Variants in DNAJC30 observed in about 807,000 individuals in gnomAD.
DNAJC30 encodes DnaJ heat shock protein family (Hsp40) member C30.
In DNAJC30, 16 loss-of-function variants were observed where a neutral mutation model predicts 15.4. The observed-to-expected ratio is 1.04, with a 90% CI of 0.70 to 1.58. The LOEUF (loss-of-function observed/expected upper bound fraction) is 1.58, where lower values mean the gene tolerates loss of function less well. Among genes scored for constraint, DNAJC30 ranks in the 40% most tolerant of loss-of-function variants. The pLI is 0.00. For missense variants in DNAJC30, 352 were observed against 320.9 expected (o/e 1.10, Z -0.74); for synonymous variants, 161 against 140.2 (o/e 1.15, Z -1.05).
chr7:73,682,729 C>T lies in DNAJC30; in HGVS notation c.*14G>A. 2.5e-6 allele frequency: 4 copies of T among 1,592,894 alleles called. No individual in the cohort carries two copies. The highest frequency in any genetic ancestry group is 1.7e-4 in the Middle Eastern group (1 of 5,964). Reference sequence around the variant, plus strand: ...GGGTTGGCTGGGGACACTCCCCTTCCCTTCTCTCTCCGATTAAATATAAAA... The same window carrying T: ...GGGTTGGCTGGGGACACTCCCCTTCTCTTCTCTCTCCGATTAAATATAAAA... On this transcript the variant is annotated 3_prime_UTR_variant, in exon 1 of 1. Transcript: ENST00000395176.
Position 73,682,701 on chromosome 7 carries a change from G to T in DNAJC30, c.*42C>A, listed in dbSNP as rs372985556. 6.9e-5 allele frequency: 107 copies of T among 1,554,260 alleles called. No individual in the cohort carries two copies. The highest frequency in any genetic ancestry group is 9.1e-5 in the Non-Finnish European group (105 of 1,149,750). On this transcript the variant is annotated 3_prime_UTR_variant, in exon 1 of 1. Coordinates refer to ENST00000395176, the MANE Select transcript of DNAJC30 (RefSeq NM_032317.3). Reference sequence around the variant, plus strand: ...AGAGGCAGGAAAAAAGGCCGTTTCTGGGGGGTTGGCTGGGGACACTCCCCT... The same window carrying T: ...AGAGGCAGGAAAAAAGGCCGTTTCTTGGGGGTTGGCTGGGGACACTCCCCT...
rs9647712 is a variant in DNAJC30 at position 73,682,207 on chromosome 7, C to A, written c.*536G>T. 5,358 of 153,078 alleles carry A rather than the reference C, an allele frequency of 0.035. 93 individuals are homozygous for A. Among genetic ancestry groups the A allele is most frequent in the African/African-American group, 0.041 (1,687 of 41,574 alleles). 9.5% of individuals were successfully genotyped at this position (153,078 alleles called of 1,614,324 possible). A position where few individuals can be genotyped will look rare whatever the true frequency, so the allele number is the denominator to read the frequency against. On this transcript the variant is annotated 3_prime_UTR_variant, in exon 1 of 1. Coordinates refer to ENST00000395176, the MANE Select transcript of DNAJC30 (RefSeq NM_032317.3). ...AGCGGGAGGAACGACAGGCTCTCCA[C>A]CGATCCCATTCTTACCCTGGACCAG...
In DNAJC30 at chr7:73,681,128, G is replaced by GCGA. The variant is rs1752489854; in HGVS notation, c.*1612_*1614dup. The GCGA allele has an allele frequency of 6.6e-6, 1 of 152,140 alleles. No homozygotes were observed. The highest frequency in any genetic ancestry group is 1.5e-5 in the Non-Finnish European group (1 of 68,062). The allele number at this position is 152,140 out of a possible 1,614,324, so 9.4% of individuals were successfully genotyped here. A position where few individuals can be genotyped will look rare whatever the true frequency, so the allele number is the denominator to read the frequency against. On this transcript the variant is annotated 3_prime_UTR_variant, in exon 1 of 1. Coordinates refer to ENST00000395176, the MANE Select transcript of DNAJC30 (RefSeq NM_032317.3). The stretch of plus-strand genomic sequence containing the variant: ...CCCTCATCCTTCTCGTAGACCTCTT[G>GCGA]CGAGGATTTTCCCCTTTTACAGATT...
rs927459705 is a variant in DNAJC30 at position 73,680,969 on chromosome 7, T to C, written c.*1774A>G. 1.3e-5 allele frequency: 2 copies of C among 152,014 alleles called. No individual in the cohort carries two copies. Among genetic ancestry groups the C allele is most frequent in the Non-Finnish European group, 2.9e-5 (2 of 68,014 alleles). 9.4% of individuals were successfully genotyped at this position (152,014 alleles called of 1,614,324 possible). On this transcript the variant is annotated 3_prime_UTR_variant, in exon 1 of 1. Transcript: ENST00000395176. ...ATGGAATGGTTTTCAAGAGGCCAAG[T>C]AGGACCAGCTGTGGGTTTATCCCAT...
chr7:73,682,758 G>A lies in DNAJC30; in HGVS notation c.666C>T (p.Ile222=), dbSNP rs374274920. Residue 222 remains isoleucine, a synonymous_variant, in exon 1 of 1, where the codon ATC becomes ATT. Coordinates refer to ENST00000395176, the MANE Select transcript of DNAJC30 (RefSeq NM_032317.3). ...CTCTCTCCGATTAAATATAAAAGCC[G>A]ATGATGATGAAGATTGAAAAGATGA... ...IFLIFSIFII[I]GFYI is the part of the protein sequence containing the mutation. The A allele has an allele frequency of 6.5e-5, 105 of 1,606,310 alleles. 1 individual carries two copies. In the Admixed American group the frequency reaches 7.0e-4, roughly 11 times the overall value.
At position 73,682,821 on chromosome 7, in the gene DNAJC30, G is replaced by C; in HGVS notation, c.603C>G (p.Leu201=). 1 of 1,614,156 alleles carries C rather than the reference G, an allele frequency of 6.2e-7. No individual in the cohort carries two copies. The highest frequency in any genetic ancestry group is 8.5e-7 in the Non-Finnish European group (1 of 1,180,028). ...KRQEYRSMKG[L]RWEDTRDTAA... is the part of the protein sequence containing the mutation. ...CCGTGTCTCGGGTATCCTCCCAGCG[G>C]AGGCCTTTCATGGACCGATACTCCT... Residue 201 remains leucine (L), a synonymous_variant, in exon 1 of 1, where the codon CTC becomes CTG. Transcript: ENST00000395176.
rs1554611846 is a variant in DNAJC30, at chr7:73,683,355, A to G, written c.69T>C (p.Phe23=). The G allele has an allele frequency of 6.2e-7, 1 of 1,613,452 alleles. No homozygotes were observed. The highest frequency in any genetic ancestry group is 8.5e-7 in the Non-Finnish European group (1 of 1,180,022). Residue 23 remains phenylalanine, a synonymous_variant, in exon 1 of 1, where the codon TTT becomes TTC. Coordinates refer to ENST00000395176, the MANE Select transcript of DNAJC30 (RefSeq NM_032317.3). The part of the protein sequence containing the change: ...LPWRLLQARG[F]PQNSAPSLGL... The stretch of plus-strand genomic sequence containing the variant: ...CCAGGCTGGGTGCAGAATTTTGTGG[A>G]AAGCCACGGGCCTGCAGCAACCTCC...
chr7:73,683,362 CG>C lies in DNAJC30; in HGVS notation c.61del (p.Arg21ValfsTer13). On this transcript the variant is annotated frameshift_variant, in exon 1 of 1. Transcript: ENST00000395176. LOFTEE classifies it high-confidence loss of function. ...GGGTGCAGAATTTTGTGGAAAGCCA[CG>C]GGCCTGCAGCAACCTCCAAGGTAAC... ...RLLPWRLLQA[R>X]GFPQNSAPSL... 6.2e-7 allele frequency: 1 copy of C among 1,613,256 alleles called. No homozygotes were observed. The highest frequency in any genetic ancestry group is 8.5e-7 in the Non-Finnish European group (1 of 1,180,032).
In DNAJC30 at chr7:73,682,770, G is replaced by T. The variant is rs782550393; in HGVS notation, c.654C>A (p.Ile218=). Residue 218 remains isoleucine (I), a synonymous_variant, in exon 1 of 1, where the codon ATC becomes ATA. Coordinates refer to ENST00000395176, the MANE Select transcript of DNAJC30 (RefSeq NM_032317.3). ...AAATATAAAAGCCGATGATGATGAAGATTGAAAAGATGAGGAAAATGGCAG... is the reference window on the plus strand; with the variant it reads ...AAATATAAAAGCCGATGATGATGAATATTGAAAAGATGAGGAAAATGGCAG... The part of the protein sequence containing the change: ...DTAAIFLIFS[I]FIIIGFYI 6.2e-7 allele frequency: 1 copy of T among 1,610,278 alleles called. No individual in the cohort carries two copies. Among genetic ancestry groups the T allele is most frequent in the South Asian group, 1.1e-5 (1 of 91,028 alleles).
rs61751896 is a variant in DNAJC30 at position 73,683,383 on chromosome 7, G to C, written c.41C>G (p.Pro14Arg). 2.5e-6 allele frequency: 4 copies of C among 1,612,604 alleles called. No individual in the cohort carries two copies. The highest frequency in any genetic ancestry group is 2.5e-6 in the Non-Finnish European group (3 of 1,179,740). ...MRWRWWQRLL[P>R]WRLLQARGFP... ...GCCACGGGCCTGCAGCAACCTCCAAGGTAACAGCCGCTGCCACCATCGCCA... is the reference window on the plus strand; with the variant it reads ...GCCACGGGCCTGCAGCAACCTCCAACGTAACAGCCGCTGCCACCATCGCCA... Residue 14 changes from proline (P) to arginine (R), a missense_variant, in exon 1 of 1, where the codon CCT becomes CGT. Coordinates refer to ENST00000395176, the MANE Select transcript of DNAJC30 (RefSeq NM_032317.3).
At position 73,681,076 on chromosome 7, in the gene DNAJC30, TG is replaced by T. The variant is rs1797696630; in HGVS notation, c.*1666del. 6.6e-6 allele frequency: 1 copy of T among 152,204 alleles called. No individual in the cohort carries two copies. The highest frequency in any genetic ancestry group is 6.5e-5 in the Admixed American group (1 of 15,276). 9.4% of individuals were successfully genotyped at this position (152,204 alleles called of 1,614,324 possible). A position where few individuals can be genotyped will look rare whatever the true frequency, so the allele number is the denominator to read the frequency against. On this transcript the variant is annotated 3_prime_UTR_variant, in exon 1 of 1. Transcript: ENST00000395176. ...ACTCAGTAATATACCAAACCACTCC[TG>T]GCTTTGTTTAGACCCTAGACTTGGG... is the stretch of plus-strand genomic sequence containing the variant.
Position 73,682,869 on chromosome 7 carries a change from C to T in DNAJC30, c.555G>A (p.Arg185=). 2 of 1,614,126 alleles carry T rather than the reference C, an allele frequency of 1.2e-6. No homozygotes were observed. Among genetic ancestry groups the T allele is most frequent in the Middle Eastern group, 1.7e-4 (1 of 6,060 alleles). ...QLERERRLRA[R]REALRKRQEY... is the part of the protein sequence containing the mutation. ...CCTGCCGTTTGCGAAGGGCCTCCCG[C>T]CGGGCCCTCAGGCGCCGTTCCCGCT... The change falls in exon 1 of 1, where the codon CGG becomes CGA. Residue 185 remains arginine (R), a synonymous_variant. Coordinates refer to ENST00000395176, the MANE Select transcript of DNAJC30 (RefSeq NM_032317.3).
In DNAJC30 at chr7:73,683,076, G is replaced by T. The variant is rs782286532; in HGVS notation, c.348C>A (p.Ser116Arg). 16 of 1,606,006 alleles carry T rather than the reference G, an allele frequency of 1.0e-5. No individual in the cohort carries two copies. The highest frequency in any genetic ancestry group is 1.2e-5 in the Non-Finnish European group (14 of 1,174,692). Residue 116 changes from serine (S) to arginine (R), a missense_variant, in exon 1 of 1, where the codon AGC (serine) becomes AGA (arginine). By Grantham distance (110) the Ser-to-Arg change is moderately radical. Transcript: ENST00000395176. ...CGCCAGGTCCGCGCAGGTCCTCGTC[G>T]CTGAGTAGGCCGCGATCATACTTGC... ...LRRKYDRGLL[S>R]DEDLRGPGVR... is the part of the protein sequence containing the mutation.
rs1554611738 is a variant in DNAJC30, at chr7:73,683,183, T to G, written c.241A>C (p.Asn81His). The G allele has an allele frequency of 5.6e-6, 9 of 1,614,164 alleles. No individual in the cohort carries two copies. Among genetic ancestry groups the G allele is most frequent in the Non-Finnish European group, 7.6e-6 (9 of 1,180,038 alleles). Residue 81 changes from asparagine to histidine, a missense_variant, in exon 1 of 1, where the codon AAC becomes CAC. Coordinates refer to ENST00000395176, the MANE Select transcript of DNAJC30 (RefSeq NM_032317.3). ...TCGGCGGCCTCCGCGCTCCCGGAGTTGCGGTCCGGGTGGTAGAGAAAGCAC... is the reference window on the plus strand; with the variant it reads ...TCGGCGGCCTCCGCGCTCCCGGAGTGGCGGTCCGGGTGGTAGAGAAAGCAC... ...RQCFLYHPDRNSGSAEAAERF... is the reference protein window; with the variant it reads ...RQCFLYHPDRHSGSAEAAERF...
In DNAJC30 at chr7:73,681,094, A is replaced by G. The variant is rs1797696947; in HGVS notation, c.*1649T>C. On this transcript the variant is annotated 3_prime_UTR_variant, in exon 1 of 1. Coordinates refer to ENST00000395176, the MANE Select transcript of DNAJC30 (RefSeq NM_032317.3). ...CCACTCCTGGCTTTGTTTAGACCCTAGACTTGGGCCCTCATCCTTCTCGTA... is the reference window on the plus strand; with the variant it reads ...CCACTCCTGGCTTTGTTTAGACCCTGGACTTGGGCCCTCATCCTTCTCGTA... 1.3e-5 allele frequency: 2 copies of G among 152,188 alleles called. No individual in the cohort carries two copies. Among genetic ancestry groups the G allele is most frequent in the African/African-American group, 4.8e-5 (2 of 41,450 alleles). 9.4% of individuals were successfully genotyped at this position (152,188 alleles called of 1,614,324 possible).
Position 73,682,638 on chromosome 7 carries a change from G to A in DNAJC30, c.*105C>T, listed in dbSNP as rs2116651872. ...GGGCAGGGGGAGTACAGTTCCTTCG[G>A]ATCCCAGCAAAGGTAGACTATCAAT... On this transcript the variant is annotated 3_prime_UTR_variant, in exon 1 of 1. Transcript: ENST00000395176. 2.2e-6 allele frequency: 3 copies of A among 1,391,062 alleles called. No individual in the cohort carries two copies. Among genetic ancestry groups the A allele is most frequent in the Non-Finnish European group, 2.9e-6 (3 of 1,041,540 alleles). The allele number at this position is 1,391,062 out of a possible 1,614,324, so 86.2% of individuals were successfully genotyped here.
chr7:73,682,529 C>A lies in DNAJC30; in HGVS notation c.*214G>T. The A allele has an allele frequency of 1.8e-6, 1 of 550,718 alleles. No individual in the cohort carries two copies. Among genetic ancestry groups the A allele is most frequent in the South Asian group, 3.0e-5 (1 of 33,422 alleles). 34.1% of individuals were successfully genotyped at this position (550,718 alleles called of 1,614,324 possible). ...TTCGGGACTCTACAGCGTGGGGCCT[C>A]TTTCTCAGACATCGAAAGGCCTCCT... is the stretch of plus-strand genomic sequence containing the variant. On this transcript the variant is annotated 3_prime_UTR_variant, in exon 1 of 1. Transcript: ENST00000395176.
Position 73,682,656 on chromosome 7 carries a change from C to A in DNAJC30, c.*87G>T. 1 of 1,479,432 alleles carries A rather than the reference C, an allele frequency of 6.8e-7. No individual in the cohort carries two copies. Among genetic ancestry groups the A allele is most frequent in the Admixed American group, 2.3e-5 (1 of 43,510 alleles). 91.6% of individuals were successfully genotyped at this position (1,479,432 alleles called of 1,614,324 possible). ...TCCTTCGGATCCCAGCAAAGGTAGA[C>A]TATCAATGGCCAAGGGTTCAGAGGC... On this transcript the variant is annotated 3_prime_UTR_variant, in exon 1 of 1. Transcript: ENST00000395176.
In DNAJC30 at chr7:73,683,075, C is replaced by CAG; in HGVS notation, c.348_349insCT (p.Asp117LeufsTer67). The CAG allele has an allele frequency of 1.2e-6, 2 of 1,605,886 alleles. No homozygotes were observed. Among genetic ancestry groups the CAG allele is most frequent in the Non-Finnish European group, 1.7e-6 (2 of 1,174,520 alleles). ...ACGCCAGGTCCGCGCAGGTCCTCGT[C>CAG]GCTGAGTAGGCCGCGATCATACTTG... is the stretch of plus-strand genomic sequence containing the variant. On this transcript the variant is annotated frameshift_variant, in exon 1 of 1. Transcript: ENST00000395176. LOFTEE classifies it high-confidence loss of function.
Sources: gnomAD v4.1 joint callset for allele counts on GRCh38, gnomAD v4.1.1 for gene constraint, MANE v1.5 for transcripts, NCBI Gene and HGNC (gene_info 2026-07-23, HGNC 2026-07-21) for gene names.